Variants in IL20RB observed in about 807,000 individuals in gnomAD.
IL20RB encodes interleukin 20 receptor subunit beta.
Under a neutral mutation model 33.3 loss-of-function variants are expected in IL20RB, and 21 were observed. That is an observed-to-expected ratio of 0.63 (90% CI 0.45 to 0.91). The LOEUF (loss-of-function observed/expected upper bound fraction) is 0.91, where lower values mean the gene tolerates loss of function less well. IL20RB is among the 40% of genes least tolerant of loss of function. IL20RB has a pLI of 0.00. For synonymous variants in IL20RB, 147 were observed against 146.8 expected (o/e 1.00, Z -0.01); for missense variants, 345 against 384.8 (o/e 0.90, Z 0.86).
chr3:137,004,448 T>C (rs1325776760), intron 6 of IL20RB, among the ~76,000 whole-genome samples: 1 of 152,236 alleles, frequency 6.6e-6, no homozygotes, highest in Admixed American at 6.5e-5. Context: ...TTAGAGCCTG[T>C]TATTGATCTA....
chr3:136,972,498 A>T (rs1941511961), intron 1 of IL20RB, among the ~76,000 whole-genome samples: 2 of 151,960 alleles, frequency 1.3e-5, no homozygotes. Context: ...ATCCATCGTT[A>T]AGGTTTTCTT....
chr3:136,982,529 G>T (rs1251581292), intron 3 of IL20RB, among the ~76,000 whole-genome samples, 179 bp downstream of exon 3: 1 of 152,196 alleles, frequency 6.6e-6, no homozygotes, highest in Non-Finnish European at 1.5e-5. Flanking sequence ...TCTACATGCT[G>T]CTCTCTGTCA....
intron 3 of IL20RB, among the ~76,000 whole-genome samples, chr3:136,986,256 T>TAAAA (rs1242298075): frequency 4.2e-4 from 19 of 45,154 alleles, no homozygotes; most frequent in African/African-American, 9.1e-4. Flanking sequence ...AATAAATAAA[T>TAAAA]AAAAATAAAA....
At chr3:136,979,316 G>T (rs528215468) in intron 1 of IL20RB, among the ~76,000 whole-genome samples, 76 of 152,342 alleles carry the variant, frequency 5.0e-4, no homozygotes, top group Admixed American at 1.0e-3. Context: ...GTCCCCAGCA[G>T]CCTTCCATCC....
intron 1 of IL20RB, among the ~76,000 whole-genome samples, chr3:136,963,693 AT>A (rs35766983): frequency 0.01 from 644 of 62,686 alleles, 5 homozygotes; most frequent in African/African-American, 0.032. Flanking sequence ...TTTTTTTTTT[AT>A]TTTTTTTTTT....
chr3:136,958,445 A>G (rs1431589601), intron 1 of IL20RB, among the ~76,000 whole-genome samples: 3 of 152,206 alleles, frequency 2.0e-5, no homozygotes, highest in Non-Finnish European at 4.4e-5. Context: ...CATCAAAATA[A>G]ATAAAAGCAG....
In IL20RB at chr3:136,980,531, TTGA is replaced by T; in HGVS notation, c.157_159del (p.Met53del). On this transcript the variant is annotated inframe_deletion, in exon 2 of 7. Transcript: ENST00000329582. ...ACTCTCAACCAACATGAAGCATCTC[TTGA>T]TGTGGAGCCCAGTGATCGCGCCTGG... 6.2e-7 allele frequency: 1 copy of T among 1,614,204 alleles called. No individual in the cohort carries two copies. The highest frequency in any genetic ancestry group is 1.7e-4 in the Middle Eastern group (1 of 6,060).
In IL20RB at chr3:136,995,530, C is replaced by T; in HGVS notation, c.799C>T (p.Pro267Ser). ...CCGGCTGCTCCAGTACTCCTGTTGC[C>T]CCGTGGTGGTCCTCCCAGACACCTT... ...MGRLLQYSCC[P>S]VVVLPDTLKI... is the part of the protein sequence containing the mutation. The change falls in exon 6 of 7, where the codon CCC becomes TCC. Residue 267 changes from proline to serine, a missense_variant. Physicochemically the swap from Pro to Ser is moderately conservative, Grantham distance 74. Transcript: ENST00000329582. 1 of 1,614,114 alleles carries T rather than the reference C, an allele frequency of 6.2e-7. No individual in the cohort carries two copies. The highest frequency in any genetic ancestry group is 8.5e-7 in the Non-Finnish European group (1 of 1,180,014).
intron 5 of IL20RB, 118 bp downstream of exon 5, chr3:136,992,206 C>T (rs1942046556): frequency 1.9e-6 from 2 of 1,073,914 alleles, no homozygotes; most frequent in Non-Finnish European, 2.7e-6. Context: ...ACTGACCTCC[C>T]TCATGGACTG....
intron 6 of IL20RB, among the ~76,000 whole-genome samples, chr3:137,008,671 T>A (rs1009839473): frequency 1.3e-5 from 2 of 152,166 alleles, no homozygotes; most frequent in Non-Finnish European, 2.9e-5. Context: ...ACAGTAGAAA[T>A]GTGGCTCGTC....
intron 1 of IL20RB, among the ~76,000 whole-genome samples, chr3:136,974,246 T>C (rs1055351909): frequency 6.6e-6 from 1 of 152,204 alleles, no homozygotes; most frequent in African/African-American, 2.4e-5. Context: ...TTTTATACTT[T>C]CATGTGATTT....
intron 5 of IL20RB, 60 bp downstream of exon 5, chr3:136,992,148 C>T: frequency 6.4e-7 from 1 of 1,561,662 alleles, no homozygotes; most frequent in Non-Finnish European, 8.7e-7. Context: ...CCTGGCATAT[C>T]TCAGAGGCCT....
intron 1 of IL20RB, 78 bp from the exon 2 acceptor site, chr3:136,980,388 A>G (rs1478119394): frequency 6.3e-7 from 1 of 1,586,616 alleles, no homozygotes; most frequent in Admixed American, 1.7e-5. Flanking sequence ...GAGGCCCTTC[A>G]TTAGACACTA....
chr3:136,997,019 T>C lies in IL20RB; in HGVS notation c.825+1463T>C, dbSNP rs140279699. Reference sequence around the variant, plus strand: ...ATTGTTCAGATCATCTTTGTCATTTTTTTTTGTATAGTTGTTTTAATATTG... The same window carrying C: ...ATTGTTCAGATCATCTTTGTCATTTCTTTTTGTATAGTTGTTTTAATATTG... On this transcript the variant is annotated intron_variant, in intron 6 of 6. Transcript: ENST00000329582. 4.0e-3 allele frequency among the ~76,000 whole-genome samples: 615 copies of C among 152,332 alleles called. 2 individuals are homozygous for C. Among genetic ancestry groups the C allele is most frequent in the Non-Finnish European group, 5.7e-3 (389 of 68,030 alleles).
intron 1 of IL20RB, 190 bp from the exon 2 acceptor site, chr3:136,980,276 T>C: frequency 1.6e-6 from 1 of 608,432 alleles, no homozygotes; most frequent in African/African-American, 2.0e-5. Flanking sequence ...GTTTCTGGTT[T>C]ATAAACATGT....
In IL20RB at chr3:136,982,237, A is replaced by G. The variant is rs1357354831; in HGVS notation, c.293A>G (p.Asp98Gly). 1 of 1,610,502 alleles carries G rather than the reference A, an allele frequency of 6.2e-7. No homozygotes were observed. Among genetic ancestry groups the G allele is most frequent in the African/African-American group, 1.3e-5 (1 of 74,856 alleles). The part of the protein sequence containing the change: ...WCSLTEGPEC[D>G]VTDDITATVP... ...TCACTCACTGAAGGTCCTGAGTGTG[A>G]TGTCACTGATGACATCACGGCCACT... The change falls in exon 3 of 7, where the codon GAT (aspartate) becomes GGT (glycine). Residue 98 changes from aspartate to glycine, a missense_variant. Asp to Gly is a moderately conservative substitution (Grantham distance 94, BLOSUM62 -1). Coordinates refer to ENST00000329582, the MANE Select transcript of IL20RB (RefSeq NM_144717.4).
At chr3:137,003,926 G>T (rs1004487708) in intron 6 of IL20RB, among the ~76,000 whole-genome samples, 1 of 152,138 alleles carries the variant, frequency 6.6e-6, no homozygotes, top group Admixed American at 6.5e-5. Flanking sequence ...ATTATTTTGA[G>T]TTACGTTCCA....
rs1473995277 is a variant in IL20RB at position 136,966,439 on chromosome 3, C to T, written c.88+8238C>T. ...TTTAGTCTTGGGAGAGTGTATGTGT[C>T]GAGGAATGTATCCATTTCTTCTAGA... is the stretch of plus-strand genomic sequence containing the variant. On this transcript the variant is annotated intron_variant, in intron 1 of 6. Transcript: ENST00000329582. Among the ~76,000 whole-genome samples the T allele has an allele frequency of 1.6e-4, 13 of 82,408 alleles. 2 individuals carry two copies. Among genetic ancestry groups the T allele is most frequent in the African/African-American group, 5.2e-4 (10 of 19,292 alleles). 54.1% of individuals were successfully genotyped at this position (82,408 alleles called of 152,430 possible). A position where few individuals can be genotyped will look rare whatever the true frequency, so the allele number is the denominator to read the frequency against.
chr3:137,008,243 C>T (rs1932989097), intron 6 of IL20RB, among the ~76,000 whole-genome samples: 1 of 151,956 alleles, frequency 6.6e-6, no homozygotes, highest in Non-Finnish European at 1.5e-5. Context: ...TTTGTGAACT[C>T]AGATGCCTCT....
Sources: allele counts gnomAD v4.1 joint callset (sites outside exome capture counted in the v4.1 genomes callset), GRCh38; gene constraint gnomAD v4.1.1; transcripts MANE v1.5; gene names NCBI Gene and HGNC (gene_info 2026-07-23, HGNC 2026-07-21).